ZNF516: variants seen among roughly 807,000 people sequenced by gnomAD.
ZNF516 encodes the protein zinc finger protein 516.
A neutral mutation model predicts 79.7 loss-of-function variants in ZNF516; 19 were observed. The observed-to-expected ratio is 0.24, with a 90% CI of 0.17 to 0.35. The LOEUF (loss-of-function observed/expected upper bound fraction) is 0.35. Among genes scored for constraint, ZNF516 ranks in the 10% least tolerant of loss-of-function variants. The pLI is 1.00. For synonymous variants in ZNF516, 877 were observed against 739.5 expected (o/e 1.19, Z -3.02); for missense variants, 1,678 against 1,679.5 (o/e 1.00, Z 0.02).
At chr18:76,446,922 G>A (rs1284318257) in intron 2 of ZNF516, among the ~76,000 whole-genome samples, 1 of 152,158 alleles carries the variant, frequency 6.6e-6, no homozygotes, top group Non-Finnish European at 1.5e-5. Context: ...CAGTAACCAA[G>A]TTAAGCCCAA....
At chr18:76,410,458 C>G (rs943885969) in intron 3 of ZNF516, among the ~76,000 whole-genome samples, 2 of 152,190 alleles carry the variant, frequency 1.3e-5, no homozygotes, top group African/African-American at 4.8e-5. Flanking sequence ...TCTGGAGCCA[C>G]TGGAGGAGGC....
At chr18:76,391,159 G>A (rs2075067810) in intron 3 of ZNF516, among the ~76,000 whole-genome samples, 1 of 152,294 alleles carries the variant, frequency 6.6e-6, no homozygotes, top group South Asian at 2.1e-4. Context: ...AAAGAAAAGA[G>A]AAAATGATAT....
At chr18:76,437,705 T>C (rs1296764036) in intron 3 of ZNF516, among the ~76,000 whole-genome samples, 1 of 152,146 alleles carries the variant, frequency 6.6e-6, no homozygotes, top group Non-Finnish European at 1.5e-5. Flanking sequence ...CTGTAAATCA[T>C]CTCTAGATTA....
rs571892946 is a variant in ZNF516 at position 76,468,216 on chromosome 18, T to C, written c.-271-5075A>G. Among the ~76,000 whole-genome samples, 7 of 152,326 alleles carry C rather than the reference T, an allele frequency of 4.6e-5. No homozygotes were observed. The East Asian group carries it at 9.6e-4, about 21-fold the overall frequency. ...GAAATTAGAGATATCAAAATTAGGA[T>C]TGGCAGTGTCCTACAATACTTGTGA... On this transcript the variant is annotated intron_variant, in intron 1 of 6. Transcript: ENST00000443185.
At chr18:76,484,199 C>T (rs984279754) in intron 1 of ZNF516, among the ~76,000 whole-genome samples, 4 of 152,316 alleles carry the variant, frequency 2.6e-5, no homozygotes, top group South Asian at 2.1e-4. Flanking sequence ...GGAATCAGGA[C>T]GCCTGGATTT....
intron 3 of ZNF516, among the ~76,000 whole-genome samples, chr18:76,435,117 A>G (rs2075712766): frequency 6.6e-6 from 1 of 152,176 alleles, no homozygotes. Flanking sequence ...CGAAAATTCT[A>G]TGATCCTATC....
At chr18:76,483,191 G>A (rs760151659) in intron 1 of ZNF516, among the ~76,000 whole-genome samples, 16 of 152,176 alleles carry the variant, frequency 1.1e-4, no homozygotes, top group African/African-American at 1.7e-4. Context: ...GGCAGGCGGG[G>A]TGGAGACTCC....
chr18:76,366,849 T>A (rs562611310), intron 6 of ZNF516, among the ~76,000 whole-genome samples: 1 of 152,346 alleles, frequency 6.6e-6, no homozygotes, highest in Admixed American at 6.5e-5. Flanking sequence ...ATAAGGGAAC[T>A]TAGGTTACAT....
chr18:76,475,904 G>A (rs1914146868), intron 1 of ZNF516, among the ~76,000 whole-genome samples: 1 of 152,230 alleles, frequency 6.6e-6, no homozygotes, highest in African/African-American at 2.4e-5. Flanking sequence ...CCAAGCGAAT[G>A]TATTTAAATG....
chr18:76,388,561 T>C (rs2075025205), intron 3 of ZNF516: 1 of 152,240 alleles, frequency 6.6e-6, no homozygotes, highest in Non-Finnish European at 1.5e-5. Context: ...AGCCATCATG[T>C]ACATTGATGA....
At position 76,441,939 on chromosome 18, in the gene ZNF516, C is replaced by G; in HGVS notation, c.1116G>C (p.Gly372=). The G allele has an allele frequency of 6.2e-7, 1 of 1,610,590 alleles. No individual in the cohort carries two copies. Among genetic ancestry groups the G allele is most frequent in the Non-Finnish European group, 8.5e-7 (1 of 1,179,252 alleles). ...ASRTRAPAEE[G]AEGPSDTKQF... The stretch of plus-strand genomic sequence containing the variant: ...GCTTGGTGTCCGAGGGCCCCTCCGC[C>G]CCCTCCTCGGCCGGGGCGCGCGTGC... Residue 372 remains glycine, a synonymous_variant, in exon 3 of 7, where the codon GGG becomes GGC. Transcript: ENST00000443185.
chr18:76,455,697 C>A (rs1912679723), intron 2 of ZNF516, among the ~76,000 whole-genome samples: 1 of 152,216 alleles, frequency 6.6e-6, no homozygotes, highest in Non-Finnish European at 1.5e-5. Flanking sequence ...GAAGAGACTA[C>A]TTATAAACTT....
At chr18:76,375,555 C>A (rs934225805) in intron 4 of ZNF516, among the ~76,000 whole-genome samples, 1 of 148,870 alleles carries the variant, frequency 6.7e-6, no homozygotes, top group Non-Finnish European at 1.5e-5. Flanking sequence ...AGGATGGACA[C>A]ACAAGGTCCC....
Position 76,441,932 on chromosome 18 carries a change from C to A in ZNF516, c.1123G>T (p.Gly375Trp). Residue 375 changes from glycine to tryptophan, a missense_variant, in exon 3 of 7, where the codon GGG becomes TGG. Physicochemically the swap from Gly to Trp is radical, Grantham distance 184 (BLOSUM62 -2). Transcript: ENST00000443185. ...TRAPAEEGAE[G>W]PSDTKQFFLQ... is the part of the protein sequence containing the mutation. The stretch of plus-strand genomic sequence containing the variant: ...AAGAACTGCTTGGTGTCCGAGGGCC[C>A]CTCCGCCCCCTCCTCGGCCGGGGCG... The A allele has an allele frequency of 1.2e-6, 2 of 1,608,660 alleles. No individual in the cohort carries two copies. The highest frequency in any genetic ancestry group is 8.5e-7 in the Non-Finnish European group (1 of 1,178,768).
intron 1 of ZNF516, among the ~76,000 whole-genome samples, chr18:76,480,524 C>CACACACACATATAT (rs1267997459): frequency 3.4e-5 from 4 of 116,398 alleles, no homozygotes; most frequent in Middle Eastern, 4.0e-3. Context: ...CACACACACA[C>CACACACACATATAT]ATATATTTTT....
chr18:76,427,256 A>G (rs184391635), intron 3 of ZNF516, among the ~76,000 whole-genome samples: 71 of 152,352 alleles, frequency 4.7e-4, no homozygotes, highest in East Asian at 4.1e-3. Flanking sequence ...TCTAAACTTC[A>G]GATTTCCTAT....
chr18:76,471,291 T>C (rs1423533725), intron 1 of ZNF516, among the ~76,000 whole-genome samples: 2 of 152,074 alleles, frequency 1.3e-5, no homozygotes, highest in African/African-American at 4.8e-5. Context: ...CAGGGACTTT[T>C]CTGCCTTACT....
intron 1 of ZNF516, among the ~76,000 whole-genome samples, chr18:76,466,273 T>C (rs1599134918): frequency 6.6e-6 from 1 of 152,174 alleles, no homozygotes; most frequent in African/African-American, 2.4e-5. Context: ...CGCTCTCCAC[T>C]GCTCCAGGCA....
At chr18:76,432,880 G>T in intron 3 of ZNF516, among the ~76,000 whole-genome samples, 1 of 152,232 alleles carries the variant, frequency 6.6e-6, no homozygotes, top group East Asian at 1.9e-4. Context: ...CAGTAACAAA[G>T]GCCCCAGACA....
Sources: gnomAD v4.1 joint callset for allele counts (sites outside exome capture counted in the v4.1 genomes callset) on GRCh38, gnomAD v4.1.1 for gene constraint, MANE v1.5 for transcripts, NCBI Gene and HGNC (gene_info 2026-07-23, HGNC 2026-07-21) for gene names.